The following VAV2 variants were observed in gnomAD, a reference collection of about 807,000 sequenced individuals.
VAV2 encodes guanine nucleotide exchange factor VAV2.
A neutral mutation model predicts 132.5 loss-of-function variants in VAV2; 67 were observed. The ratio of observed to expected loss-of-function variants is 0.51; its 90% CI spans 0.42 to 0.62. The LOEUF is 0.62. Among genes scored for constraint, VAV2 ranks in the 20% least tolerant of loss-of-function variants. The pLI is 0.00. For synonymous variants in VAV2, 492 were observed against 443.5 expected (o/e 1.11, Z -1.37); for missense variants, 938 against 1,153.6 (o/e 0.81, Z 2.71).
At chr9:133,808,261 C>T (rs1835228729) in intron 7 of VAV2, among the ~76,000 whole-genome samples, 1 of 152,158 alleles carries the variant, frequency 6.6e-6, no homozygotes, top group Non-Finnish European at 1.5e-5. Flanking sequence ...GGCCGCTGGC[C>T]AAGGACCAGA....
intron 2 of VAV2, among the ~76,000 whole-genome samples, chr9:133,930,995 C>T (rs1466740374): frequency 1.3e-5 from 2 of 152,206 alleles, no homozygotes; most frequent in Admixed American, 1.3e-4. Context: ...CTCTTTAACT[C>T]GAGCAAGAGA....
chr9:133,888,487 C>A (rs1042504714), intron 2 of VAV2, among the ~76,000 whole-genome samples: 4 of 152,178 alleles, frequency 2.6e-5, no homozygotes, highest in Admixed American at 2.6e-4. Context: ...ACAGGCAGGC[C>A]CAGACATGTC....
Position 133,918,136 on chromosome 9 carries a change from G to A in VAV2, c.321+20967C>T, listed in dbSNP as rs1172022401. Among the ~76,000 whole-genome samples, 1 of 152,188 alleles carries A rather than the reference G, an allele frequency of 6.6e-6. No individual in the cohort carries two copies. The highest frequency in any genetic ancestry group is 6.5e-5 in the Admixed American group (1 of 15,278). ...CCTAATGATATGCCCACAGTATTAG[G>A]ACAGCTCTCCTTTTCCACTTGAAAG... is the stretch of plus-strand genomic sequence containing the variant. On this transcript the variant is annotated intron_variant, in intron 2 of 29. Transcript: ENST00000371850. The surrounding 1 kb of genome is among the most constrained non-coding windows in gnomAD (Gnocchi z 4.7).
chr9:133,896,413 C>T (rs1839207109), intron 2 of VAV2, among the ~76,000 whole-genome samples: 1 of 152,046 alleles, frequency 6.6e-6, no homozygotes, highest in African/African-American at 2.4e-5. Flanking sequence ...AAGATCGCGC[C>T]ATTGCACTCC....
chr9:133,821,032 C>A (rs572105780), intron 4 of VAV2, among the ~76,000 whole-genome samples: 4 of 152,236 alleles, frequency 2.6e-5, no homozygotes, highest in African/African-American at 9.6e-5. Flanking sequence ...CACTCTCCCC[C>A]AGTCCTTGAA....
intron 3 of VAV2, among the ~76,000 whole-genome samples, chr9:133,849,151 A>C (rs1376300070): frequency 6.6e-6 from 1 of 152,052 alleles, no homozygotes; most frequent in Non-Finnish European, 1.5e-5. Context: ...AGGAGTTGGA[A>C]AGGGCTTCAC....
intron 15 of VAV2, 77 bp from the exon 16 acceptor site, chr9:133,787,337 G>T: frequency 7.0e-7 from 1 of 1,437,274 alleles, no homozygotes; most frequent in Non-Finnish European, 9.2e-7. Flanking sequence ...GGGTGCCGCA[G>T]TGTGGAGGCG....
intron 4 of VAV2, among the ~76,000 whole-genome samples, chr9:133,813,716 G>A (rs1355988518): frequency 2.0e-5 from 3 of 152,224 alleles, no homozygotes; most frequent in Non-Finnish European, 4.4e-5. Flanking sequence ...CACTACAGTC[G>A]TGAGTGAGGT....
chr9:133,779,893 G>A (rs913452316), intron 21 of VAV2, 25 bp downstream of exon 21: 1 of 1,609,632 alleles, frequency 6.2e-7, no homozygotes, highest in Non-Finnish European at 8.5e-7. Flanking sequence ...GGTGATAGCA[G>A]AGGGCCCAGG....
intron 12 of VAV2, among the ~76,000 whole-genome samples, chr9:133,793,562 C>A (rs1164548906): frequency 4.6e-5 from 7 of 152,116 alleles, no homozygotes; most frequent in Admixed American, 2.0e-4. Flanking sequence ...CTCAGGACCA[C>A]CCCCCTCCCA....
At chr9:133,964,046 T>TATATAC (rs1329697826) in intron 1 of VAV2, among the ~76,000 whole-genome samples, 2 of 87,880 alleles carry the variant, frequency 2.3e-5, no homozygotes, top group African/African-American at 7.5e-5. Flanking sequence ...TATATATATA[T>TATATAC]ATACATATAT....
chr9:133,947,723 T>C (rs1841413852), intron 1 of VAV2, among the ~76,000 whole-genome samples: 1 of 149,548 alleles, frequency 6.7e-6, no homozygotes, highest in South Asian at 2.1e-4. Context: ...CAAACTGGTC[T>C]AACTTGACAG....
Position 133,861,415 on chromosome 9 carries a change from C to T in VAV2, c.339G>A (p.Ser113=), listed in dbSNP as rs146478460. ...GCGCGATGCTGTGCAGGGAGAGCCT[C>T]GACACCGCGGAGATGACCTGGGGGA... ...RDFGKVISAV[S]RLSLHSIAQN... is the part of the protein sequence containing the mutation. Residue 113 remains serine (S), a synonymous_variant, in exon 3 of 30, where the codon TCG becomes TCA. Transcript: ENST00000371850. 1.1e-5 allele frequency: 18 copies of T among 1,613,298 alleles called. No individual in the cohort carries two copies. Among genetic ancestry groups the T allele is most frequent in the African/African-American group, 8.0e-5 (6 of 74,888 alleles).
At position 133,769,118 on chromosome 9, in the gene VAV2, C is replaced by G. The variant is rs1032692694; in HGVS notation, c.2434+299G>C. Among the ~76,000 whole-genome samples the G allele has an allele frequency of 4.6e-5, 7 of 152,252 alleles. No individual in the cohort carries two copies. The highest frequency in any genetic ancestry group is 1.7e-4 in the African/African-American group (7 of 41,466). ...CTGCTTTCTGCTACCAGAGGCAAAG[C>G]TCTTGATGAACAAGGAGGAATGACA... is the stretch of plus-strand genomic sequence containing the variant. On this transcript the variant is annotated intron_variant, in intron 28 of 29. Coordinates refer to ENST00000371850, the MANE Select transcript of VAV2 (RefSeq NM_001134398.2). This position sits in a 1 kb window ranked among gnomAD's most constrained non-coding sequence, Gnocchi z 8.1.
intron 1 of VAV2, among the ~76,000 whole-genome samples, chr9:133,979,340 G>A (rs909623705): frequency 2.0e-5 from 3 of 152,178 alleles, no homozygotes; most frequent in Admixed American, 6.5e-5. Context: ...GGATCTGAAC[G>A]CGGCTGTCAG....
At chr9:133,939,024 G>C (rs891475952) in intron 2 of VAV2, 79 bp downstream of exon 2, 2 of 1,342,762 alleles carry the variant, frequency 1.5e-6, no homozygotes, top group African/African-American at 2.9e-5. Flanking sequence ...CTGCTCCATG[G>C]ATCTGGCCCA....
chr9:133,845,475 G>A (rs76923665), intron 3 of VAV2, among the ~76,000 whole-genome samples: 5,654 of 152,276 alleles, frequency 0.037, 342 homozygotes, highest in African/African-American at 0.13. Flanking sequence ...CACCTCAGGC[G>A]AGATCTCTCT....
At chr9:133,811,837 G>A (rs1224770423) in intron 5 of VAV2, among the ~76,000 whole-genome samples, 2 of 152,200 alleles carry the variant, frequency 1.3e-5, no homozygotes, top group Non-Finnish European at 2.9e-5. Flanking sequence ...TCATGACCGT[G>A]GTGGTGTCAT....
chr9:133,882,315 A>G (rs966351695), intron 2 of VAV2, among the ~76,000 whole-genome samples: 2 of 152,220 alleles, frequency 1.3e-5, no homozygotes, highest in Non-Finnish European at 1.5e-5. Flanking sequence ...CACAGCCCCA[A>G]AGGGGCGGCC....
Sources: allele counts gnomAD v4.1 joint callset (sites outside exome capture counted in the v4.1 genomes callset), GRCh38; gene constraint gnomAD v4.1.1; non-coding constraint Gnocchi (gnomAD v3.1); transcripts MANE v1.5; gene names NCBI Gene and HGNC (gene_info 2026-07-23, HGNC 2026-07-21).